The following ARMH3 variants were observed in gnomAD, a reference collection of about 807,000 sequenced individuals.
ARMH3 encodes armadillo like helical domain containing 3.
ARMH3 carries 60 observed loss-of-function variants against 99.1 expected under a neutral mutation model. The observed-to-expected ratio is 0.61, with a 90% CI of 0.49 to 0.75. The LOEUF (loss-of-function observed/expected upper bound fraction) is 0.75. Ranked by LOEUF, ARMH3 falls within the 30% of genes least tolerant of loss-of-function variation. The pLI is 0.00. For synonymous variants in ARMH3, 285 were observed against 292.8 expected (o/e 0.97, Z 0.27); for missense variants, 679 against 843.1 (o/e 0.81, Z 2.41).
chr10:102,046,168 C>T (rs2067544561), intron 1 of ARMH3, among the ~76,000 whole-genome samples: 1 of 151,828 alleles, frequency 6.6e-6, no homozygotes, highest in Non-Finnish European at 1.5e-5. Context: ...GTTCTAAGCA[C>T]TTTATATATA....
At chr10:101,883,619 T>C (rs576455107) in intron 24 of ARMH3, among the ~76,000 whole-genome samples, 1 of 152,236 alleles carries the variant, frequency 6.6e-6, no homozygotes, top group South Asian at 2.1e-4. Context: ...ACCTGCCATC[T>C]ACATTTATTT....
At chr10:101,950,081 A>C (rs1366953253) in intron 22 of ARMH3, among the ~76,000 whole-genome samples, 2 of 152,192 alleles carry the variant, frequency 1.3e-5, no homozygotes, top group East Asian at 3.8e-4. Flanking sequence ...CTTTCACCTT[A>C]AGATTGGACA....
intron 24 of ARMH3, among the ~76,000 whole-genome samples, chr10:101,876,258 A>C (rs1251147519): frequency 6.6e-6 from 1 of 151,504 alleles, no homozygotes; most frequent in African/African-American, 2.4e-5. Context: ...AAAAAAAAAA[A>C]AAAAAAAAAA....
chr10:101,987,371 G>T (rs1590138535), intron 19 of ARMH3, among the ~76,000 whole-genome samples: 1 of 152,296 alleles, frequency 6.6e-6, no homozygotes, highest in East Asian at 1.9e-4. Flanking sequence ...CAGGTCAAAT[G>T]CAACCTTCCG....
intron 22 of ARMH3, chr10:101,952,542 AAAAAGAAAAG>A (rs572511473): frequency 6.6e-6 from 1 of 152,200 alleles, no homozygotes; most frequent in Non-Finnish European, 1.5e-5. Context: ...TGTGGTAAAA[AAAAAGAAAAG>A]AAAAGAAAAG....
chr10:102,013,843 C>T, intron 9 of ARMH3, 125 bp downstream of exon 9: 4 of 743,940 alleles, frequency 5.4e-6, no homozygotes, highest in South Asian at 4.5e-5. Context: ...ATATTAATTC[C>T]CTCTCTATAA....
At chr10:102,046,682 T>C (rs912175744) in intron 1 of ARMH3, among the ~76,000 whole-genome samples, 1 of 152,126 alleles carries the variant, frequency 6.6e-6, no homozygotes, top group Non-Finnish European at 1.5e-5. Context: ...AAAATAAACT[T>C]GTACAGATAA....
chr10:102,029,584 G>A (rs1371493744), intron 5 of ARMH3, 54 bp downstream of exon 5: 2 of 1,614,196 alleles, frequency 1.2e-6, no homozygotes, highest in Admixed American at 1.7e-5. Context: ...ATAGTGTCCA[G>A]GAACAGCTGT....
rs1845109140 is a variant in ARMH3, at chr10:101,957,810, T to C, written c.1496-78A>G. On this transcript the variant is annotated intron_variant, in intron 20 of 25. Transcript: ENST00000370033. The stretch of plus-strand genomic sequence containing the variant: ...AAGTTAAATAAAAACAGACTAGCTC[T>C]AAAAAAAATCCAGAAGGTTAGAGTG... 4 of 1,484,388 alleles carry C rather than the reference T, an allele frequency of 2.7e-6. No individual in the cohort carries two copies. The African/African-American group carries it at 4.3e-5, about 16-fold the overall frequency. 92.0% of individuals were successfully genotyped at this position (1,484,388 alleles called of 1,614,324 possible).
At chr10:101,942,264 T>C (rs914201106) in intron 22 of ARMH3, among the ~76,000 whole-genome samples, 2 of 152,134 alleles carry the variant, frequency 1.3e-5, no homozygotes, top group African/African-American at 4.8e-5. Context: ...AAAAATGAAT[T>C]GTATGTTAAA....
intron 22 of ARMH3, among the ~76,000 whole-genome samples, chr10:101,950,439 T>G (rs1844733596): frequency 6.6e-6 from 1 of 152,234 alleles, no homozygotes; most frequent in Non-Finnish European, 1.5e-5. Flanking sequence ...CCAGCAATTC[T>G]GCTCCTAGGT....
At chr10:102,001,064 G>A (rs967242830) in intron 15 of ARMH3, among the ~76,000 whole-genome samples, 3 of 152,016 alleles carry the variant, frequency 2.0e-5, no homozygotes, top group Admixed American at 1.3e-4. Context: ...TGATCCTCCC[G>A]CCTCAGCCTC....
At chr10:101,922,429 T>C (rs1843341229) in intron 23 of ARMH3, among the ~76,000 whole-genome samples, 1 of 152,134 alleles carries the variant, frequency 6.6e-6, no homozygotes, top group South Asian at 2.1e-4. Flanking sequence ...AAAAATTATT[T>C]TTAGTAGAAA....
intron 1 of ARMH3, among the ~76,000 whole-genome samples, chr10:102,047,454 C>A (rs1463807248): frequency 6.6e-6 from 1 of 151,242 alleles, no homozygotes; most frequent in Non-Finnish European, 1.5e-5. Flanking sequence ...TATGTAAATT[C>A]TTAAGCCTTC....
chr10:101,960,946 C>T (rs562641689), intron 20 of ARMH3, among the ~76,000 whole-genome samples: 31 of 149,900 alleles, frequency 2.1e-4, no homozygotes, highest in Admixed American at 4.0e-4. Context: ...TCAAGCTGAA[C>T]GTGAAAGTGG....
At chr10:101,903,762 C>T (rs2135509895) in intron 23 of ARMH3, among the ~76,000 whole-genome samples, 1 of 152,230 alleles carries the variant, frequency 6.6e-6, no homozygotes, top group Admixed American at 6.5e-5. Context: ...GCTTCCTTTC[C>T]CAGTGTCTCA....
chr10:101,858,311 A>G (rs2135298225), intron 24 of ARMH3, among the ~76,000 whole-genome samples: 1 of 152,314 alleles, frequency 6.6e-6, no homozygotes, highest in East Asian at 1.9e-4. Flanking sequence ...CTCATATCCT[A>G]TCTTCACCAG....
At chr10:101,863,457 G>C (rs1481186949) in intron 24 of ARMH3, among the ~76,000 whole-genome samples, 1 of 152,114 alleles carries the variant, frequency 6.6e-6, no homozygotes, top group South Asian at 2.1e-4. Flanking sequence ...CAAGTTGAAG[G>C]TTTCCATACT....
At chr10:102,032,943 C>T in intron 4 of ARMH3, 83 bp downstream of exon 4, 2 of 1,496,150 alleles carry the variant, frequency 1.3e-6, no homozygotes, top group Middle Eastern at 1.8e-4. Flanking sequence ...CTCAGAGCAA[C>T]TCTAGGTTCC....
Sources: allele counts gnomAD v4.1 joint callset (sites outside exome capture counted in the v4.1 genomes callset), GRCh38; gene constraint gnomAD v4.1.1; transcripts MANE v1.5; gene names NCBI Gene and HGNC (gene_info 2026-07-23, HGNC 2026-07-21).